Variants in SPINK5 observed in about 807,000 individuals in gnomAD.
SPINK5 encodes serine peptidase inhibitor Kazal type 5, also known as serine protease inhibitor Kazal-type 5.
In SPINK5, 125 loss-of-function variants were observed where a neutral mutation model predicts 151.8. The ratio of observed to expected loss-of-function variants is 0.82; its 90% CI spans 0.71 to 0.96. SPINK5 has a LOEUF of 0.96. Among genes scored for constraint, SPINK5 ranks in the 40% least tolerant of loss-of-function variants. SPINK5 has a pLI of 0.00. For synonymous variants in SPINK5, 374 were observed against 395.3 expected (o/e 0.95, Z 0.64); for missense variants, 1,194 against 1,291.9 (o/e 0.92, Z 1.16).
At chr5:148,127,995 C>T (rs1754477402) in intron 30 of SPINK5, among the ~76,000 whole-genome samples, 1 of 152,118 alleles carries the variant, frequency 6.6e-6, no homozygotes, top group Admixed American at 6.5e-5. Context: ...GAACATCAAG[C>T]AGATTCTCAG....
Position 148,118,461 on chromosome 5 carries a change from C to T in SPINK5, c.2137C>T (p.Gln713Ter). 6.2e-7 allele frequency: 1 copy of T among 1,614,106 alleles called. No individual in the cohort carries two copies. Among genetic ancestry groups the T allele is most frequent in the Non-Finnish European group, 8.5e-7 (1 of 1,180,014 alleles). Residue 713 changes from glutamine (Q) to a stop codon, truncating the protein, a stop_gained, in exon 23 of 33, where the codon CAA becomes TAA. Coordinates refer to ENST00000256084, the MANE Select transcript of SPINK5 (RefSeq NM_006846.4). LOFTEE classifies it high-confidence loss of function. Reference protein sequence around the residue: ...TQDECAEYREQMKNGRLSCTR... With the variant: ...TQDECAEYRE ...GGACGAATGTGCTGAGTATCGGGAA[C>T]AAATGAAAAATGGAAGACTCAGCTG...
intron 16 of SPINK5, 52 bp from the exon 17 acceptor site, chr5:148,106,985 A>T: frequency 6.2e-7 from 1 of 1,602,408 alleles, no homozygotes; most frequent in South Asian, 1.1e-5. Context: ...ATAGGAAAAG[A>T]TGCAGGAAGG....
intron 21 of SPINK5, among the ~76,000 whole-genome samples, chr5:148,115,633 TAAGC>T (rs1245046355): frequency 6.6e-6 from 1 of 152,048 alleles, no homozygotes; most frequent in Admixed American, 6.6e-5. Context: ...TGAAGGACAG[TAAGC>T]AATTAGAGAT....
At chr5:148,107,396 T>G (rs11951425) in intron 17 of SPINK5, among the ~76,000 whole-genome samples, 2 of 149,436 alleles carry the variant, frequency 1.3e-5, no homozygotes, top group African/African-American at 5.1e-5. Flanking sequence ...AATTTAATGG[T>G]TTTTTTTTAA....
intron 15 of SPINK5, among the ~76,000 whole-genome samples, chr5:148,104,018 C>T (rs1029459387): frequency 2.0e-5 from 3 of 152,050 alleles, no homozygotes; most frequent in African/African-American, 7.2e-5. Context: ...CCATCATATG[C>T]CTAGTTTTGG....
chr5:148,126,904 T>C (rs41291437), intron 29 of SPINK5, 79 bp from the exon 30 acceptor site: 1 of 1,262,544 alleles, frequency 7.9e-7, no homozygotes, highest in Non-Finnish European at 1.1e-6. Context: ...TGTCACATTT[T>C]ATGAGGATTG....
chr5:148,134,165 T>C, intron 32 of SPINK5: 2 of 447,564 alleles, frequency 4.5e-6, no homozygotes, highest in South Asian at 4.1e-5. Flanking sequence ...TATTTCAGGA[T>C]AGGTTTTGTT....
At position 148,101,786 on chromosome 5, in the gene SPINK5, G is replaced by A. The variant is rs1253434551; in HGVS notation, c.1308G>A (p.Leu436=). Reference sequence around the variant, plus strand: ...TTCCTGCCTCAATTTCACAGGAGTTGTGTAGTGAATACCGCAAATCCAGGA... The same window carrying A: ...TTCCTGCCTCAATTTCACAGGAGTTATGTAGTGAATACCGCAAATCCAGGA... ...QSKSTASFEE[L]CSEYRKSRKN... is the part of the protein sequence containing the mutation. Residue 436 remains leucine (L), a synonymous_variant, in exon 15 of 33, where the codon TTG becomes TTA. Transcript: ENST00000256084. 6.2e-7 allele frequency: 1 copy of A among 1,613,710 alleles called. No homozygotes were observed.
chr5:148,129,387 A>G (rs1178902927), intron 30 of SPINK5, among the ~76,000 whole-genome samples: 1 of 152,228 alleles, frequency 6.6e-6, no homozygotes, highest in East Asian at 1.9e-4. Context: ...AGTTGTCTAC[A>G]GAAGAGATGA....
chr5:148,129,954 C>A (rs1423109567), intron 30 of SPINK5, among the ~76,000 whole-genome samples: 1 of 152,010 alleles, frequency 6.6e-6, no homozygotes, highest in Non-Finnish European at 1.5e-5. Context: ...GACCTGTTAT[C>A]TCTAATATTG....
intron 4 of SPINK5, among the ~76,000 whole-genome samples, chr5:148,084,772 A>T (rs75619788): frequency 0.034 from 5,139 of 151,754 alleles, 149 homozygotes; most frequent in East Asian, 0.13. Context: ...TCCACCACAA[A>T]TCCTTTGCAA....
At chr5:148,121,000 C>A (rs1754243166) in intron 26 of SPINK5, among the ~76,000 whole-genome samples, 2 of 151,670 alleles carry the variant, frequency 1.3e-5, no homozygotes, top group African/African-American at 4.8e-5. Context: ...AAAAAATTAG[C>A]CGGGCACGAT....
chr5:148,126,046 A>C (rs1423884923), intron 29 of SPINK5, among the ~76,000 whole-genome samples, 196 bp downstream of exon 29: 1 of 152,238 alleles, frequency 6.6e-6, no homozygotes, highest in Non-Finnish European at 1.5e-5. Flanking sequence ...TTCCGTATGT[A>C]AGTTCTAACC....
chr5:148,118,831 A>G (rs1310124985), intron 23 of SPINK5, among the ~76,000 whole-genome samples, 155 bp from the exon 24 acceptor site: 1 of 152,192 alleles, frequency 6.6e-6, no homozygotes, highest in Non-Finnish European at 1.5e-5. Flanking sequence ...TTATTGTGCC[A>G]GAATCCTAGG....
chr5:148,115,236 A>G (rs914145813), intron 21 of SPINK5, among the ~76,000 whole-genome samples: 1 of 152,228 alleles, frequency 6.6e-6, no homozygotes, highest in Non-Finnish European at 1.5e-5. Flanking sequence ...AGAAGGGAAC[A>G]GCAAGAGTAA....
At chr5:148,093,024 G>A (rs2113084150) in intron 8 of SPINK5, among the ~76,000 whole-genome samples, 1 of 152,006 alleles carries the variant, frequency 6.6e-6, no homozygotes, top group East Asian at 2.0e-4. Context: ...TGGGTGAGAG[G>A]GACAATCTAG....
intron 20 of SPINK5, among the ~76,000 whole-genome samples, chr5:148,113,951 A>G (rs1754013957): frequency 1.3e-5 from 2 of 152,186 alleles, no homozygotes; most frequent in Non-Finnish European, 2.9e-5. Flanking sequence ...TCCCTCTTTC[A>G]TCCTCATTGA....
At chr5:148,096,043 C>G in intron 10 of SPINK5, 138 bp downstream of exon 10, 1 of 697,642 alleles carries the variant, frequency 1.4e-6, no homozygotes, top group Admixed American at 2.8e-5. Flanking sequence ...TTGCTGGAAA[C>G]TAATTTCTAG....
In SPINK5 at chr5:148,118,550, G is replaced by T; in HGVS notation, c.2226G>T (p.Met742Ile). 1 of 1,614,120 alleles carries T rather than the reference G, an allele frequency of 6.2e-7. No homozygotes were observed. Among genetic ancestry groups the T allele is most frequent in the South Asian group, 1.1e-5 (1 of 91,084 alleles). Residue 742 changes from methionine (M) to isoleucine (I), a missense_variant, in exon 23 of 33, where the codon ATG becomes ATT. Coordinates refer to ENST00000256084, the MANE Select transcript of SPINK5 (RefSeq NM_006846.4). The part of the protein sequence containing the change: ...DGKSYNNQCT[M>I]CKAKLEREAE... ...AATCGTACAACAATCAGTGTACCATGTGTAAAGCAAAATTGTAAGTATTTC... is the reference window on the plus strand; with the variant it reads ...AATCGTACAACAATCAGTGTACCATTTGTAAAGCAAAATTGTAAGTATTTC...
Sources: allele counts gnomAD v4.1 joint callset (sites outside exome capture counted in the v4.1 genomes callset), GRCh38; gene constraint gnomAD v4.1.1; transcripts MANE v1.5; gene names NCBI Gene and HGNC (gene_info 2026-07-23, HGNC 2026-07-21).